DTNBP1: variants seen among roughly 807,000 people sequenced by gnomAD.
DTNBP1 encodes dysbindin.
A neutral mutation model predicts 42.8 loss-of-function variants in DTNBP1; 35 were observed. The observed-to-expected ratio is 0.82, with a 90% CI of 0.63 to 1.09. The LOEUF (loss-of-function observed/expected upper bound fraction) is 1.09, where lower values mean the gene tolerates loss of function less well. DTNBP1 is among the 50% of genes least tolerant of loss of function. The pLI is 0.00. For synonymous variants in DTNBP1, 171 were observed against 162.2 expected (o/e 1.05, Z -0.41); for missense variants, 457 against 424.2 (o/e 1.08, Z -0.68).
At chr6:15,531,721 C>G (rs1772841118) in intron 8 of DTNBP1, among the ~76,000 whole-genome samples, 1 of 152,200 alleles carries the variant, frequency 6.6e-6, no homozygotes, top group South Asian at 2.1e-4. Flanking sequence ...GCAACCTCTG[C>G]CTCCCGGGTT....
intron 5 of DTNBP1, 113 bp downstream of exon 5, chr6:15,627,230 A>T (rs1181346435): frequency 5.0e-6 from 7 of 1,394,548 alleles, no homozygotes; most frequent in Non-Finnish European, 4.9e-6. Flanking sequence ...TTTCCAAAAA[A>T]TCCTGTTAAC....
intron 6 of DTNBP1, among the ~76,000 whole-genome samples, chr6:15,614,074 C>T (rs576126202): frequency 1.3e-5 from 2 of 152,270 alleles, no homozygotes; most frequent in East Asian, 1.9e-4. Flanking sequence ...TCTTATGGCT[C>T]ATTAACATTT....
chr6:15,529,864 G>C (rs984135193), intron 8 of DTNBP1, among the ~76,000 whole-genome samples: 1 of 152,214 alleles, frequency 6.6e-6, no homozygotes, highest in Non-Finnish European at 1.5e-5. Context: ...ATATCCTAAC[G>C]GCATGGAGAG....
intron 7 of DTNBP1, chr6:15,579,947 A>G: frequency 3.2e-6 from 1 of 316,912 alleles, no homozygotes; most frequent in Non-Finnish European, 6.6e-6. Context: ...GTACCACACA[A>G]ATATGTACAA....
At chr6:15,557,086 C>T (rs1774567682) in intron 7 of DTNBP1, among the ~76,000 whole-genome samples, 1 of 152,158 alleles carries the variant, frequency 6.6e-6, no homozygotes, top group Non-Finnish European at 1.5e-5. Flanking sequence ...AGGCTTCACA[C>T]CTGGTACCTA....
chr6:15,610,000 G>T (rs185761997), intron 6 of DTNBP1, among the ~76,000 whole-genome samples: 79 of 152,278 alleles, frequency 5.2e-4, no homozygotes, highest in African/African-American at 1.8e-3. Flanking sequence ...CTGGGGAAAA[G>T]GGCCTAAACA....
chr6:15,558,214 T>C (rs1024319779), intron 7 of DTNBP1, among the ~76,000 whole-genome samples: 3 of 152,028 alleles, frequency 2.0e-5, no homozygotes, highest in Admixed American at 2.0e-4. Flanking sequence ...CACAATTGTC[T>C]TGTTTTGATC....
intron 1 of DTNBP1, among the ~76,000 whole-genome samples, chr6:15,656,466 T>C (rs905689810): frequency 4.6e-5 from 7 of 152,204 alleles, no homozygotes; most frequent in African/African-American, 1.4e-4. Flanking sequence ...TTGAGCTTTG[T>C]AGAAAATACT....
chr6:15,654,574 A>C (rs941170326), intron 1 of DTNBP1, among the ~76,000 whole-genome samples: 6 of 152,168 alleles, frequency 3.9e-5, no homozygotes, highest in African/African-American at 1.4e-4. Context: ...CTTAATTGTA[A>C]TATGCCAAGT....
rs1772018235 is a variant in DTNBP1, at chr6:15,523,093, C to T, written c.938G>A (p.Gly313Asp). 3 of 1,614,220 alleles carry T rather than the reference C, an allele frequency of 1.9e-6. No homozygotes were observed. The highest frequency in any genetic ancestry group is 2.5e-6 in the Non-Finnish European group (3 of 1,180,024). The change falls in exon 10 of 10, where the codon GGT becomes GAT. Residue 313 changes from glycine (G) to aspartate (D), a missense_variant. Transcript: ENST00000344537. The stretch of plus-strand genomic sequence containing the variant: ...GGACTGAACAACGGGGGACTCCCCA[C>T]CCTCACTGATGTCCCGGGTGGCCGA... ...TDSATRDISE[G>D]GESPVVQSDE...
intron 7 of DTNBP1, among the ~76,000 whole-genome samples, chr6:15,544,242 A>C (rs138063534): frequency 6.6e-5 from 10 of 152,306 alleles, no homozygotes; most frequent in African/African-American, 2.2e-4. Context: ...GCTACAGCAC[A>C]TAATAATCTG....
At chr6:15,582,273 AAC>A (rs1561973257) in intron 7 of DTNBP1, among the ~76,000 whole-genome samples, 1 of 152,168 alleles carries the variant, frequency 6.6e-6, no homozygotes, top group Non-Finnish European at 1.5e-5. Context: ...AAGTGAGAAA[AAC>A]ACAGGTTTTG....
At position 15,524,535 on chromosome 6, in the gene DTNBP1, G is replaced by A; in HGVS notation, c.802C>T (p.Pro268Ser). ...SGGEENTVLS[P>S]ALGPESSTCQ... ...AGTTTGTCAACCCTACCTAAGGCGG[G>A]GGACAGCACAGTGTTCTCTTCTCCT... The change falls in exon 9 of 10, where the codon CCC becomes TCC. Residue 268 changes from proline (P) to serine (S), a missense_variant. Physicochemically the swap from Pro to Ser is moderately conservative, Grantham distance 74. Coordinates refer to ENST00000344537, the MANE Select transcript of DTNBP1 (RefSeq NM_032122.5). 6.2e-7 allele frequency: 1 copy of A among 1,607,446 alleles called. No individual in the cohort carries two copies. Among genetic ancestry groups the A allele is most frequent in the Non-Finnish European group, 8.5e-7 (1 of 1,175,610 alleles).
intron 7 of DTNBP1, among the ~76,000 whole-genome samples, chr6:15,550,963 G>T (rs548878484): frequency 2.0e-5 from 3 of 152,328 alleles, no homozygotes; most frequent in African/African-American, 7.2e-5. Context: ...CCTTTCTTGA[G>T]ATTTCACCAA....
At chr6:15,623,603 T>C (rs1444218788) in intron 5 of DTNBP1, among the ~76,000 whole-genome samples, 3 of 152,184 alleles carry the variant, frequency 2.0e-5, no homozygotes, top group Admixed American at 1.3e-4. Flanking sequence ...TCTTCTGTTC[T>C]AGATGAAGGG....
chr6:15,536,170 A>G (rs1292789522), intron 7 of DTNBP1, among the ~76,000 whole-genome samples: 1 of 152,250 alleles, frequency 6.6e-6, no homozygotes, highest in African/African-American at 2.4e-5. Context: ...GTAGCCTGAC[A>G]ATGCGACAGA....
At chr6:15,582,740 C>T (rs1775894994) in intron 7 of DTNBP1, among the ~76,000 whole-genome samples, 1 of 151,980 alleles carries the variant, frequency 6.6e-6, no homozygotes, top group Admixed American at 6.6e-5. Context: ...ATTTTATCTA[C>T]CATAGTATTT....
At chr6:15,632,186 A>C (rs114089164) in intron 4 of DTNBP1, among the ~76,000 whole-genome samples, 125 of 152,190 alleles carry the variant, frequency 8.2e-4, no homozygotes, top group African/African-American at 3.0e-3. Flanking sequence ...CTGAACACTT[A>C]GCCTCTGTCT....
intron 7 of DTNBP1, among the ~76,000 whole-genome samples, chr6:15,569,960 C>T (rs1405681251): frequency 1.3e-5 from 2 of 152,002 alleles, no homozygotes; most frequent in African/African-American, 2.4e-5. Context: ...GGTGTCCGCC[C>T]ACCTCACTCT....
Sources: gnomAD v4.1 joint callset for allele counts (sites outside exome capture counted in the v4.1 genomes callset) on GRCh38, gnomAD v4.1.1 for gene constraint, MANE v1.5 for transcripts, NCBI Gene and HGNC (gene_info 2026-07-23, HGNC 2026-07-21) for gene names.